RBM25: variants seen among roughly 807,000 people sequenced by gnomAD.
The protein encoded by RBM25 is RNA binding motif protein 25.
In RBM25, 19 loss-of-function variants were observed where a neutral mutation model predicts 120.7. The observed-to-expected ratio is 0.16, with a 90% CI of 0.11 to 0.23. The LOEUF (loss-of-function observed/expected upper bound fraction) is 0.23, where lower values mean the gene tolerates loss of function less well. Ranked by LOEUF, RBM25 falls within the 10% of genes least tolerant of loss-of-function variation. The pLI, the probability that RBM25 is intolerant of heterozygous loss-of-function variation, is 1.00. For missense variants in RBM25, 605 were observed against 1,041.5 expected (o/e 0.58, Z 5.77); for synonymous variants, 390 against 326.7 (o/e 1.19, Z -2.09).
intron 1 of RBM25, among the ~76,000 whole-genome samples, chr14:73,060,754 A>C (rs1894985169): frequency 6.6e-6 from 1 of 151,434 alleles, no homozygotes; most frequent in African/African-American, 2.4e-5. Context: ...TCAGATTTAC[A>C]AAAAAAGTTG....
intron 4 of RBM25, among the ~76,000 whole-genome samples, chr14:73,082,968 T>C (rs1895599877): frequency 6.6e-6 from 1 of 151,256 alleles, no homozygotes; most frequent in Middle Eastern, 3.5e-3. Flanking sequence ...TAGTCCCAGC[T>C]ACTTAGGAGG....
At chr14:73,118,459 CAA>C (rs1005725150) in intron 18 of RBM25, among the ~76,000 whole-genome samples, 7 of 144,530 alleles carry the variant, frequency 4.8e-5, no homozygotes, top group African/African-American at 1.6e-4. Context: ...GGCTGGGTGA[CAA>C]GAGAGATCCT....
At chr14:73,106,320 G>GT (rs1433717474) in intron 12 of RBM25, 35 bp downstream of exon 12, 2 of 1,516,538 alleles carry the variant, frequency 1.3e-6, no homozygotes, top group Admixed American at 2.2e-5. Flanking sequence ...GATTTTTCAG[G>GT]TAAAAAGTCA....
At chr14:73,086,690 T>C (rs1281653611) in intron 5 of RBM25, among the ~76,000 whole-genome samples, 3 of 152,042 alleles carry the variant, frequency 2.0e-5, no homozygotes, top group African/African-American at 7.3e-5. Context: ...TCATCAGCAA[T>C]ATGATCATTT....
At chr14:73,104,043 A>G (rs1396489811) in intron 10 of RBM25, among the ~76,000 whole-genome samples, 3 of 145,752 alleles carry the variant, frequency 2.1e-5, no homozygotes, top group Non-Finnish European at 4.5e-5. Flanking sequence ...AATAATTTTC[A>G]ACTCTGGTTA....
At chr14:73,101,023 A>C (rs1188249613) in intron 9 of RBM25, 1 of 152,180 alleles carries the variant, frequency 6.6e-6, no homozygotes, top group South Asian at 2.1e-4. Flanking sequence ...TTGGTAAATT[A>C]TGAGGAAATC....
At chr14:73,109,650 G>T (rs557021606) in intron 14 of RBM25, among the ~76,000 whole-genome samples, 158 bp downstream of exon 14, 1 of 152,214 alleles carries the variant, frequency 6.6e-6, no homozygotes, top group Admixed American at 6.5e-5. Context: ...AAGATTAGCC[G>T]GGTGTAGTGG....
chr14:73,110,390 T>TA, intron 14 of RBM25, among the ~76,000 whole-genome samples: 1 of 152,096 alleles, frequency 6.6e-6, no homozygotes, highest in Non-Finnish European at 1.5e-5. Flanking sequence ...TTTCCTGTGT[T>TA]ACCCAGGATT....
intron 17 of RBM25, among the ~76,000 whole-genome samples, chr14:73,113,761 T>G (rs1246649213): frequency 6.6e-6 from 1 of 152,148 alleles, no homozygotes; most frequent in Non-Finnish European, 1.5e-5. Context: ...GTCATGAATG[T>G]TATACCCATT....
chr14:73,060,064 G>T (rs1894964582), intron 1 of RBM25, among the ~76,000 whole-genome samples: 1 of 151,958 alleles, frequency 6.6e-6, no homozygotes, highest in Non-Finnish European at 1.5e-5. Flanking sequence ...TTTTAAGACG[G>T]AGTCTTGCTG....
intron 3 of RBM25, 40 bp from the exon 4 acceptor site, chr14:73,077,329 T>C: frequency 6.6e-7 from 1 of 1,526,306 alleles, no homozygotes; most frequent in East Asian, 2.3e-5. Context: ...GTAGGAAATT[T>C]AATTGCTGGA....
At chr14:73,063,535 G>T (rs527672378) in intron 1 of RBM25, among the ~76,000 whole-genome samples, 4 of 151,378 alleles carry the variant, frequency 2.6e-5, no homozygotes, top group Admixed American at 6.6e-5. Context: ...CTATGGAAAT[G>T]ATTTCAGTGC....
chr14:73,112,052 A>T, intron 16 of RBM25, 100 bp from the exon 17 acceptor site: 1 of 1,202,450 alleles, frequency 8.3e-7, no homozygotes, highest in Middle Eastern at 1.9e-4. Flanking sequence ...CAACTTGTGA[A>T]ATAACATTAT....
At chr14:73,108,454 A>G (rs1337747601) in intron 13 of RBM25, among the ~76,000 whole-genome samples, 1 of 152,162 alleles carries the variant, frequency 6.6e-6, no homozygotes, top group Admixed American at 6.5e-5. Context: ...CTCTCACCCC[A>G]TCTCCAAATT....
At chr14:73,117,412 A>G (rs916733110) in intron 18 of RBM25, among the ~76,000 whole-genome samples, 1 of 150,868 alleles carries the variant, frequency 6.6e-6, no homozygotes, top group African/African-American at 2.4e-5. Context: ...TTGTATTTTT[A>G]GTATTGACGG....
At chr14:73,070,671 G>A (rs574031355) in intron 1 of RBM25, among the ~76,000 whole-genome samples, 5 of 152,034 alleles carry the variant, frequency 3.3e-5, no homozygotes, top group Non-Finnish European at 7.4e-5. Flanking sequence ...AAAATGGGCC[G>A]GGCGCGGTGG....
chr14:73,120,745 T>G lies in RBM25; in HGVS notation c.*940T>G, dbSNP rs923145272. 2 of 152,136 alleles carry G rather than the reference T, an allele frequency of 1.3e-5. No individual in the cohort carries two copies. The highest frequency in any genetic ancestry group is 4.8e-5 in the African/African-American group (2 of 41,444). The allele number at this position is 152,136 out of a possible 1,614,324, so 9.4% of individuals were successfully genotyped here. ...AAAAAATTCATCATACCAAAAAGTG[T>G]AAGTGAAAACCCCCTTTAAAACAAA... is the stretch of plus-strand genomic sequence containing the variant. On this transcript the variant is annotated 3_prime_UTR_variant, in exon 19 of 19. Coordinates refer to ENST00000261973, the MANE Select transcript of RBM25 (RefSeq NM_021239.3).
intron 18 of RBM25, among the ~76,000 whole-genome samples, chr14:73,114,666 C>G (rs576688545): frequency 6.6e-6 from 1 of 152,124 alleles, no homozygotes; most frequent in Admixed American, 6.6e-5. Flanking sequence ...GAGGCTGAGG[C>G]GGGTGGATCA....
At chr14:73,078,881 C>T (rs551077317) in intron 4 of RBM25, among the ~76,000 whole-genome samples, 13 of 152,088 alleles carry the variant, frequency 8.5e-5, no homozygotes, top group Admixed American at 2.6e-4. Context: ...TGAGATTACA[C>T]GCGTGGGCCA....
Sources: allele counts gnomAD v4.1 joint callset (sites outside exome capture counted in the v4.1 genomes callset), GRCh38; gene constraint gnomAD v4.1.1; transcripts MANE v1.5; gene names NCBI Gene and HGNC (gene_info 2026-07-23, HGNC 2026-07-21).